The following ADAMTS9 variants were observed in gnomAD, a reference collection of about 807,000 sequenced individuals.
ADAMTS9 encodes the protein ADAM metallopeptidase with thrombospondin type 1 motif 9.
ADAMTS9 carries 107 observed loss-of-function variants against 257.1 expected under a neutral mutation model. The ratio of observed to expected loss-of-function variants is 0.42; its 90% confidence interval spans 0.36 to 0.49. ADAMTS9 has a LOEUF of 0.49. Among genes scored for constraint, ADAMTS9 ranks in the 20% least tolerant of loss-of-function variants. The pLI, the probability that ADAMTS9 is intolerant of heterozygous loss-of-function variation, is 0.03. For missense variants in ADAMTS9, 2,353 were observed against 2,469.1 expected (o/e 0.95, Z 1.00); for synonymous variants, 982 against 880.9 (o/e 1.11, Z -2.03).
At chr3:64,657,882 C>T (rs999666963) in intron 4 of ADAMTS9, among the ~76,000 whole-genome samples, 3 of 152,004 alleles carry the variant, frequency 2.0e-5, no homozygotes, top group Admixed American at 1.3e-4. Flanking sequence ...TTTAAAAAAT[C>T]GTGCAAATTT....
intron 16 of ADAMTS9, among the ~76,000 whole-genome samples, chr3:64,630,692 G>T (rs1313054934): frequency 1.3e-5 from 2 of 152,078 alleles, no homozygotes; most frequent in Admixed American, 6.6e-5. Flanking sequence ...CCTAGGTGAG[G>T]GGTTGACAGG....
At chr3:64,611,270 A>G (rs993041814) in intron 22 of ADAMTS9, among the ~76,000 whole-genome samples, 1 of 152,182 alleles carries the variant, frequency 6.6e-6, no homozygotes, top group Non-Finnish European at 1.5e-5. Context: ...ATAAATGGAT[A>G]AACAAATTTT....
In ADAMTS9 at chr3:64,517,169, CAAGTT is replaced by C. The variant is rs1231766698; in HGVS notation, c.*6-53_*6-49del. 2.0e-5 allele frequency: 3 copies of C among 152,608 alleles called. No individual in the cohort carries two copies. In the East Asian group the frequency reaches 5.8e-4, roughly 29 times the overall value. The allele number at this position is 152,608 out of a possible 1,614,324, so 9.5% of individuals were successfully genotyped here. The stretch of plus-strand genomic sequence containing the variant: ...TATAAACCTTCTGCCTCAAATGCTG[CAAGTT>C]AAGAATAGGCAACTGATAAATTTTT... On this transcript the variant is annotated intron_variant, in intron 39 of 39. Coordinates refer to ENST00000498707, the MANE Select transcript of ADAMTS9 (RefSeq NM_182920.2).
At chr3:64,654,929 T>C (rs1366929111) in intron 6 of ADAMTS9, among the ~76,000 whole-genome samples, 1 of 152,188 alleles carries the variant, frequency 6.6e-6, no homozygotes, top group Admixed American at 6.5e-5. Flanking sequence ...TTTGAGAACA[T>C]TCCTGAGAAG....
Position 64,603,449 on chromosome 3 carries a change from C to G in ADAMTS9, c.3747+473G>C, listed in dbSNP as rs372301340. ...AAACCCATAGATAGTGCTTGGTGTA[C>G]AGCAGGCAGGTTCACAGCACTGGAT... On this transcript the variant is annotated intron_variant, in intron 25 of 39. Transcript: ENST00000498707. 3.8e-4 allele frequency among the ~76,000 whole-genome samples: 58 copies of G among 152,252 alleles called. No homozygotes were observed. The South Asian group carries it at 0.012, about 32-fold the overall frequency.
chr3:64,594,857 G>A (rs2084334031), intron 27 of ADAMTS9, among the ~76,000 whole-genome samples: 1 of 152,082 alleles, frequency 6.6e-6, no homozygotes, highest in Admixed American at 6.5e-5. Flanking sequence ...CACGATCTCG[G>A]CTCACTGCAA....
At chr3:64,565,914 G>A (rs1394734637) in intron 29 of ADAMTS9, 3 of 152,152 alleles carry the variant, frequency 2.0e-5, no homozygotes, top group Admixed American at 6.5e-5. Flanking sequence ...ACACAGAAGT[G>A]AAATATTCCA....
intron 3 of ADAMTS9, among the ~76,000 whole-genome samples, chr3:64,659,870 T>A (rs9816335): frequency 0.018 from 2,766 of 152,118 alleles, 71 homozygotes; most frequent in African/African-American, 0.063. Flanking sequence ...AAATTGACAA[T>A]TAGAAGCTTG....
chr3:64,541,727 A>G, intron 33 of ADAMTS9, 107 bp from the exon 34 acceptor site: 1 of 1,567,392 alleles, frequency 6.4e-7, no homozygotes, highest in African/African-American at 1.4e-5. Context: ...AGCAAAGCGA[A>G]TGATTTCCTT....
intron 11 of ADAMTS9, among the ~76,000 whole-genome samples, chr3:64,644,075 G>A (rs569143976): frequency 1.4e-4 from 22 of 152,288 alleles, no homozygotes; most frequent in African/African-American, 5.3e-4. Context: ...ATGGGACAAA[G>A]TATGTAACAT....
intron 11 of ADAMTS9, among the ~76,000 whole-genome samples, chr3:64,642,404 T>C (rs1371117687): frequency 6.6e-6 from 1 of 151,880 alleles, no homozygotes; most frequent in Non-Finnish European, 1.5e-5. Flanking sequence ...TGGTAAACTA[T>C]AATGCTTTAT....
At position 64,541,338 on chromosome 3, in the gene ADAMTS9, G is replaced by A. The variant is rs773738667; in HGVS notation, c.5369C>T (p.Ser1790Phe). ...CTCCTACCTGTGCCCATAAACCTCGGAGAAATTCTCAGAGTCTCCATGCAC... is the reference window on the plus strand; with the variant it reads ...CTCCTACCTGTGCCCATAAACCTCGAAGAAATTCTCAGAGTCTCCATGCAC... ...TLVHGDSENF[S>F]EVYGHRLHNP... The change falls in exon 35 of 40, where the codon TCC becomes TTC. Residue 1790 changes from serine to phenylalanine, a missense_variant. Coordinates refer to ENST00000498707, the MANE Select transcript of ADAMTS9 (RefSeq NM_182920.2). 3.1e-6 allele frequency: 5 copies of A among 1,614,156 alleles called. No homozygotes were observed. The highest frequency in any genetic ancestry group is 4.2e-6 in the Non-Finnish European group (5 of 1,180,018).
chr3:64,640,355 A>G (rs1700606871), intron 12 of ADAMTS9, among the ~76,000 whole-genome samples: 1 of 152,240 alleles, frequency 6.6e-6, no homozygotes, highest in Admixed American at 6.5e-5. Flanking sequence ...CATAGAAAAG[A>G]TTCGGAAGCT....
intron 20 of ADAMTS9, 33 bp from the exon 21 acceptor site, chr3:64,615,518 G>A (rs373201827): frequency 5.1e-6 from 8 of 1,575,076 alleles, no homozygotes; most frequent in Admixed American, 3.7e-5. Flanking sequence ...TAAAACTGTT[G>A]CTAAGTTTCT....
chr3:64,564,773 T>C (rs2083501343), intron 29 of ADAMTS9, among the ~76,000 whole-genome samples: 1 of 152,046 alleles, frequency 6.6e-6, no homozygotes, highest in Non-Finnish European at 1.5e-5. Flanking sequence ...CACCCCCATT[T>C]GAAAGCTTAG....
intron 37 of ADAMTS9, among the ~76,000 whole-genome samples, chr3:64,538,618 A>G (rs1038431890): frequency 1.3e-5 from 2 of 152,086 alleles, no homozygotes; most frequent in Non-Finnish European, 2.9e-5. Flanking sequence ...TTTCTGTCTA[A>G]TCCATGTAAA....
At chr3:64,615,130 TG>T in intron 21 of ADAMTS9, 190 bp downstream of exon 21, 1 of 624,356 alleles carries the variant, frequency 1.6e-6, no homozygotes, top group South Asian at 2.4e-5. Flanking sequence ...CTGAGGTCAC[TG>T]GTAGACTAGT....
At chr3:64,536,936 C>A (rs913035498) in intron 37 of ADAMTS9, among the ~76,000 whole-genome samples, 1 of 152,188 alleles carries the variant, frequency 6.6e-6, no homozygotes, top group African/African-American at 2.4e-5. Context: ...AAGAAATTCT[C>A]AAACACAACA....
intron 3 of ADAMTS9, among the ~76,000 whole-genome samples, chr3:64,667,714 A>C (rs909636783): frequency 4.6e-5 from 7 of 152,184 alleles, no homozygotes; most frequent in African/African-American, 1.7e-4. Flanking sequence ...GTGTGATAAC[A>C]ACAATGACTA....
Sources: allele counts gnomAD v4.1 joint callset (sites outside exome capture counted in the v4.1 genomes callset), GRCh38; gene constraint gnomAD v4.1.1; transcripts MANE v1.5; gene names NCBI Gene and HGNC (gene_info 2026-07-23, HGNC 2026-07-21).